PTCH1: variants seen among roughly 807,000 people sequenced by gnomAD.
PTCH1 encodes patched 1.
Under a neutral mutation model 144.6 loss-of-function variants are expected in PTCH1, and 14 were observed. That is an observed-to-expected ratio of 0.10 (90% confidence interval 0.06 to 0.15). The LOEUF is 0.15. PTCH1 is among the 10% of genes least tolerant of loss of function. The probability of loss-of-function intolerance (pLI) is 1.00; values close to 1 mark genes in which losing one functional copy is unlikely to be tolerated. For synonymous variants in PTCH1, 833 were observed against 793.6 expected (o/e 1.05, Z -0.83); for missense variants, 1,623 against 1,948.3 (o/e 0.83, Z 3.14).
rs1420234283 is a variant in PTCH1 at position 95,458,296 on chromosome 9, G to C, written c.2888-3C>G. ...CTCGATGGGCTCTGCTGCCGGGACTGGACAGAGAAGGGCACAGGTTAGGAG... is the reference window on the plus strand; with the variant it reads ...CTCGATGGGCTCTGCTGCCGGGACTCGACAGAGAAGGGCACAGGTTAGGAG... On this transcript the variant is annotated splice_polypyrimidine_tract_variant and splice_region_variant and intron_variant, in intron 17 of 23. Transcript: ENST00000331920. This position sits in a 1 kb window ranked among gnomAD's most constrained non-coding sequence, Gnocchi z 4.7. The C allele has an allele frequency of 6.2e-7, 1 of 1,613,296 alleles. No homozygotes were observed. The highest frequency in any genetic ancestry group is 8.5e-7 in the Non-Finnish European group (1 of 1,179,888).
rs760660790 is a variant in PTCH1, at chr9:95,478,229, A to G, written c.1216-43T>C. On this transcript the variant is annotated intron_variant, in intron 8 of 23. Coordinates refer to ENST00000331920, the MANE Select transcript of PTCH1 (RefSeq NM_000264.5). Reference sequence around the variant, plus strand: ...TGCGAAATGCCCAAATGCAATGAACACTTCCACAAGCCTCGACAGCACAGA... The same window carrying G: ...TGCGAAATGCCCAAATGCAATGAACGCTTCCACAAGCCTCGACAGCACAGA... The G allele has an allele frequency of 3.5e-5, 56 of 1,613,534 alleles. No homozygotes were observed. The highest frequency in any genetic ancestry group is 1.5e-4 in the Admixed American group (9 of 59,978).
In PTCH1 at chr9:95,494,197, G is replaced by T. The variant is rs752510110; in HGVS notation, c.395-8323C>A. 2.7e-5 allele frequency: 27 copies of T among 985,180 alleles called. No homozygotes were observed. In the Admixed American group the frequency reaches 3.1e-4, roughly 11 times the overall value. The allele number at this position is 985,180 out of a possible 1,614,324, so 61.0% of individuals were successfully genotyped here. ...GCTTCCCCGCCCCCACCAGCTGCTGGCAGTGCCATCTGTTATCAGCCTTGC... is the reference window on the plus strand; with the variant it reads ...GCTTCCCCGCCCCCACCAGCTGCTGTCAGTGCCATCTGTTATCAGCCTTGC... On this transcript the variant is annotated intron_variant, in intron 2 of 23. Transcript: ENST00000331920.
chr9:95,496,953 C>T (rs1201258710), intron 2 of PTCH1, among the ~76,000 whole-genome samples: 1 of 151,108 alleles, frequency 6.6e-6, no homozygotes, highest in Non-Finnish European at 1.5e-5. Context: ...GAAGAATTCA[C>T]AAAAGGAAAA....
exon 1 of PTCH1, chr9:95,516,685 C>T: frequency 6.2e-7 from 1 of 1,612,498 alleles, no homozygotes; most frequent in Non-Finnish European, 8.5e-7. Context: ...TTTTCTTCTT[C>T]TTCTTCTCCT....
intron 1 of PTCH1, chr9:95,516,381 T>G (rs2118955302): frequency 9.4e-7 from 1 of 1,062,412 alleles, no homozygotes; most frequent in Non-Finnish European, 1.2e-6. Flanking sequence ...GCGCGGGGCG[T>G]CCCGCGTCCC....
chr9:95,501,810 T>C (rs1843164712), intron 2 of PTCH1, among the ~76,000 whole-genome samples: 1 of 152,060 alleles, frequency 6.6e-6, no homozygotes, highest in Non-Finnish European at 1.5e-5. Flanking sequence ...AAATAGATAC[T>C]GAGGGAGATG....
In PTCH1 at chr9:95,507,905, TAC is replaced by T. The variant is rs139956254; in HGVS notation, c.201+254_201+255del. 3,975 of 1,256,116 alleles carry T rather than the reference TAC, an allele frequency of 3.2e-3. 1 individual carries two copies. The highest frequency in any genetic ancestry group is 6.6e-3 in the East Asian group (196 of 29,816). The allele number at this position is 1,256,116 out of a possible 1,614,324, so 77.8% of individuals were successfully genotyped here. ...AGGCACACCAGGGAGGGCGTGTGTATACACACACACACACGCACACACACACA... is the reference window on the plus strand; with the variant it reads ...AGGCACACCAGGGAGGGCGTGTGTATACACACACACACGCACACACACACA... On this transcript the variant is annotated intron_variant, in intron 1 of 23. Coordinates refer to ENST00000331920, the MANE Select transcript of PTCH1 (RefSeq NM_000264.5).
chr9:95,510,757 A>T (rs1844109145), upstream of PTCH1, among the ~76,000 whole-genome samples: 1 of 151,332 alleles, frequency 6.6e-6, no homozygotes, highest in Non-Finnish European at 1.5e-5. Context: ...AAGAAAGGAA[A>T]GGAAAGAAAG....
chr9:95,513,038 TCCTC>T (rs1379262608), upstream of PTCH1, among the ~76,000 whole-genome samples: 2 of 152,172 alleles, frequency 1.3e-5, no homozygotes, highest in Admixed American at 1.3e-4. Context: ...CCCTCACATC[TCCTC>T]CCTTCTCTGT....
At chr9:95,494,097 G>A (rs557018900) in intron 2 of PTCH1, among the ~76,000 whole-genome samples, 1 of 151,754 alleles carries the variant, frequency 6.6e-6, no homozygotes, top group Admixed American at 6.6e-5. Flanking sequence ...ACCGCACGGG[G>A]CATGTGGCAG....
intron 2 of PTCH1, among the ~76,000 whole-genome samples, chr9:95,500,787 C>T (rs1843094869): frequency 6.6e-6 from 1 of 152,206 alleles, no homozygotes; most frequent in Non-Finnish European, 1.5e-5. Flanking sequence ...TGCACAAAGG[C>T]AGTGGTGTCT....
intron 15 of PTCH1, among the ~76,000 whole-genome samples, chr9:95,464,084 G>A (rs1839784321): frequency 6.6e-6 from 1 of 152,212 alleles, no homozygotes. Flanking sequence ...CTGGAAACTC[G>A]ATTCAACTCA....
chr9:95,512,129 C>T (rs1278068241), upstream of PTCH1, among the ~76,000 whole-genome samples: 2 of 152,240 alleles, frequency 1.3e-5, no homozygotes, highest in Non-Finnish European at 1.5e-5. Context: ...GTTCCGGCGG[C>T]TGCCACATGC....
At position 95,501,513 on chromosome 9, in the gene PTCH1, T is replaced by A. The variant is rs72752398; in HGVS notation, c.394+4894A>T. Among the ~76,000 whole-genome samples, 335 of 149,718 alleles carry A rather than the reference T, an allele frequency of 2.2e-3. 3 individuals are homozygous for A. The highest frequency in any genetic ancestry group is 4.1e-3 in the Non-Finnish European group (277 of 67,668). On this transcript the variant is annotated intron_variant, in intron 2 of 23. Transcript: ENST00000331920. ...ACTTACACATACCAAGCATGTATTT[T>A]AAAAAACAATTTCTTCTATTTTTCT...
chr9:95,500,259 G>A (rs1266242609), intron 2 of PTCH1, among the ~76,000 whole-genome samples: 1 of 152,122 alleles, frequency 6.6e-6, no homozygotes, highest in Non-Finnish European at 1.5e-5. Flanking sequence ...AAGAATGGCA[G>A]ACAGCAAAGA....
intron 12 of PTCH1, among the ~76,000 whole-genome samples, chr9:95,472,873 AG>A (rs1418725252): frequency 4.6e-5 from 7 of 152,356 alleles, no homozygotes; most frequent in African/African-American, 1.4e-4. Flanking sequence ...GAAAGCAAGA[AG>A]GGTTGTCGCA....
chr9:95,516,663 T>C, exon 1 of PTCH1: 9 of 1,613,086 alleles, frequency 5.6e-6, no homozygotes, highest in Non-Finnish European at 7.6e-6. Context: ...GTCGTCTTTT[T>C]CTTCTCCTCC....
chr9:95,493,583 T>C (rs534326922), intron 2 of PTCH1, among the ~76,000 whole-genome samples: 3 of 152,246 alleles, frequency 2.0e-5, no homozygotes, highest in South Asian at 4.1e-4. Context: ...AGAGTCCAAT[T>C]AGGAAAATAG....
chr9:95,499,062 T>C (rs1322606399), intron 2 of PTCH1, among the ~76,000 whole-genome samples: 3 of 152,116 alleles, frequency 2.0e-5, no homozygotes, highest in South Asian at 2.1e-4. Context: ...GTCTCAGAAA[T>C]GCTAGGGAAC....
Sources: allele counts gnomAD v4.1 joint callset (sites outside exome capture counted in the v4.1 genomes callset), GRCh38; gene constraint gnomAD v4.1.1; non-coding constraint Gnocchi (gnomAD v3.1); transcripts MANE v1.5; gene names NCBI Gene and HGNC (gene_info 2026-07-23, HGNC 2026-07-21).